The following XKR6 variants were observed in gnomAD, a reference collection of about 807,000 sequenced individuals.
XKR6 encodes the protein XK-related protein 6.
XKR6 carries 22 observed loss-of-function variants against 56.7 expected under a neutral mutation model. The observed-to-expected ratio is 0.39, with a 90% confidence interval of 0.28 to 0.55. The LOEUF is 0.55. XKR6 is among the 20% of genes least tolerant of loss of function. XKR6 has a pLI of 0.66. For synonymous variants in XKR6, 524 were observed against 387.8 expected (o/e 1.35, Z -4.13); for missense variants, 852 against 889.0 (o/e 0.96, Z 0.53).
intron 1 of XKR6, among the ~76,000 whole-genome samples, chr8:11,150,098 T>C (rs865979046): frequency 1.3e-5 from 2 of 152,116 alleles, no homozygotes; most frequent in Admixed American, 6.5e-5. Context: ...GGCTGGTCAA[T>C]GGATGAAGAC....
chr8:10,935,314 C>T (rs1465994530), intron 1 of XKR6, among the ~76,000 whole-genome samples: 21 of 138,788 alleles, frequency 1.5e-4, no homozygotes, highest in African/African-American at 3.2e-4. Context: ...GTCTTGCTAG[C>T]GGTCATTCAA....
At chr8:11,082,638 C>T (rs1797762859) in intron 1 of XKR6, among the ~76,000 whole-genome samples, 1 of 152,236 alleles carries the variant, frequency 6.6e-6, no homozygotes, top group Non-Finnish European at 1.5e-5. Context: ...GGGAGAAAGT[C>T]AAACAAGAGT....
intron 1 of XKR6, among the ~76,000 whole-genome samples, chr8:10,970,146 A>G (rs1802362307): frequency 6.6e-6 from 1 of 152,030 alleles, no homozygotes; most frequent in Admixed American, 6.6e-5. Flanking sequence ...GTGCTCCGGG[A>G]CCCCATAACT....
intron 1 of XKR6, among the ~76,000 whole-genome samples, chr8:11,099,396 A>C (rs1202807045): frequency 6.6e-6 from 1 of 152,246 alleles, no homozygotes; most frequent in African/African-American, 2.4e-5. Context: ...AGCACAAGTC[A>C]ACCTCCAACT....
chr8:10,977,655 T>G (rs1441338109), intron 1 of XKR6, among the ~76,000 whole-genome samples: 1 of 148,928 alleles, frequency 6.7e-6, no homozygotes, highest in African/African-American at 2.5e-5. Flanking sequence ...AGTGCTAATG[T>G]CCCTCTGCCT....
intron 1 of XKR6, among the ~76,000 whole-genome samples, chr8:11,080,958 T>A (rs1031096794): frequency 6.6e-6 from 1 of 152,052 alleles, no homozygotes; most frequent in Admixed American, 6.5e-5. Flanking sequence ...GAGAAAAAAA[T>A]TCACAGGACA....
At chr8:10,929,485 A>ACG (rs1800996720) in intron 1 of XKR6, among the ~76,000 whole-genome samples, 1 of 152,220 alleles carries the variant, frequency 6.6e-6, no homozygotes, top group Non-Finnish European at 1.5e-5. Context: ...GCTCCTGCCC[A>ACG]CGCACCTCCC....
intron 1 of XKR6, among the ~76,000 whole-genome samples, chr8:11,180,815 G>A (rs1224136477): frequency 3.3e-5 from 5 of 152,204 alleles, no homozygotes; most frequent in Non-Finnish European, 7.3e-5. Flanking sequence ...GCTGAGGCAG[G>A]AGGAGCACAC....
intron 1 of XKR6, among the ~76,000 whole-genome samples, chr8:10,953,045 C>T (rs758485152): frequency 9.9e-5 from 15 of 152,184 alleles, no homozygotes; most frequent in Non-Finnish European, 2.2e-4. Flanking sequence ...CCAGATGGGA[C>T]CATCTAGTTG....
chr8:10,965,415 G>A (rs1018602029), intron 1 of XKR6, among the ~76,000 whole-genome samples: 1 of 152,236 alleles, frequency 6.6e-6, no homozygotes, highest in African/African-American at 2.4e-5. Context: ...CAGCCTAGAG[G>A]CAGCTGTCTG....
intron 1 of XKR6, among the ~76,000 whole-genome samples, chr8:11,101,229 T>G (rs1586545554): frequency 1.3e-5 from 2 of 152,200 alleles, no homozygotes; most frequent in Non-Finnish European, 2.9e-5. Context: ...TCATTGAAAC[T>G]GAGTTTATAA....
At chr8:11,182,798 T>G (rs983954341) in intron 1 of XKR6, among the ~76,000 whole-genome samples, 2 of 152,228 alleles carry the variant, frequency 1.3e-5, no homozygotes, top group African/African-American at 4.8e-5. Flanking sequence ...ACATTCACAA[T>G]GCATCATCAG....
chr8:11,128,804 A>G (rs1364275942), intron 1 of XKR6: 1 of 456,504 alleles, frequency 2.2e-6, no homozygotes, highest in African/African-American at 2.0e-5. Context: ...AATTAGCTCA[A>G]CCTTCAAAAT....
Position 11,046,920 on chromosome 8 carries a change from CG to C in XKR6, c.765-122091del, listed in dbSNP as rs1799424595. 3.3e-5 allele frequency among the ~76,000 whole-genome samples: 5 copies of C among 152,016 alleles called. No homozygotes were observed. The South Asian group carries it at 1.0e-3, about 32-fold the overall frequency. ...CAGAAAGACAAATACTACATGATCT[CG>C]CTTATGTGTGGAATCTAAACAACTC... On this transcript the variant is annotated intron_variant, in intron 1 of 2. Coordinates refer to ENST00000416569, the MANE Select transcript of XKR6 (RefSeq NM_173683.4).
chr8:11,027,725 T>C (rs1798901161), intron 1 of XKR6, among the ~76,000 whole-genome samples: 1 of 152,214 alleles, frequency 6.6e-6, no homozygotes, highest in Admixed American at 6.5e-5. Flanking sequence ...ATTTGCTCCA[T>C]TACTTGTGGG....
At chr8:11,092,941 G>A (rs1034130107) in intron 1 of XKR6, among the ~76,000 whole-genome samples, 2 of 152,196 alleles carry the variant, frequency 1.3e-5, no homozygotes, top group African/African-American at 4.8e-5. Context: ...CCCGCTGAGG[G>A]CCTCCTGCCC....
At chr8:11,049,388 T>C (rs1204393166) in intron 1 of XKR6, among the ~76,000 whole-genome samples, 1 of 152,138 alleles carries the variant, frequency 6.6e-6, no homozygotes, top group African/African-American at 2.4e-5. Context: ...TGAGTCTATT[T>C]GTGAACAGGT....
At chr8:11,015,382 G>C (rs952173363) in intron 1 of XKR6, among the ~76,000 whole-genome samples, 1 of 152,086 alleles carries the variant, frequency 6.6e-6, no homozygotes, top group African/African-American at 2.4e-5. Context: ...ATTTAGGAAA[G>C]GTTTAGGGGA....
chr8:10,925,792 A>G (rs1195310852), intron 1 of XKR6, among the ~76,000 whole-genome samples: 2 of 152,168 alleles, frequency 1.3e-5, no homozygotes, highest in Non-Finnish European at 2.9e-5. Flanking sequence ...TCCCCAGGTC[A>G]TATAATAACC....
Sources: gnomAD v4.1 joint callset for allele counts (sites outside exome capture counted in the v4.1 genomes callset) on GRCh38, gnomAD v4.1.1 for gene constraint, MANE v1.5 for transcripts, NCBI Gene and HGNC (gene_info 2026-07-23, HGNC 2026-07-21) for gene names.